Variants in PTPRT observed in about 807,000 individuals in gnomAD.
The protein encoded by PTPRT is protein tyrosine phosphatase receptor type T, also known as receptor-type tyrosine-protein phosphatase T.
Under a neutral mutation model 176.8 loss-of-function variants are expected in PTPRT, and 56 were observed. The observed-to-expected ratio is 0.32, with a 90% CI of 0.26 to 0.40. PTPRT has a LOEUF of 0.40. Ranked by LOEUF, PTPRT falls within the 10% of genes least tolerant of loss-of-function variation. The pLI, the probability that PTPRT is intolerant of heterozygous loss-of-function variation, is 1.00. For missense variants in PTPRT, 1,540 were observed against 1,908.2 expected (o/e 0.81, Z 3.60); for synonymous variants, 783 against 739.0 (o/e 1.06, Z -0.96).
chr20:42,770,423 A>C (rs190029797), intron 5 of PTPRT, among the ~76,000 whole-genome samples: 4 of 152,316 alleles, frequency 2.6e-5, no homozygotes, highest in Admixed American at 2.6e-4. Context: ...TATTAATGGA[A>C]GTATGCTAAT....
At chr20:42,139,854 C>T (rs1988542437) in intron 18 of PTPRT, among the ~76,000 whole-genome samples, 1 of 152,276 alleles carries the variant, frequency 6.6e-6, no homozygotes, top group Non-Finnish European at 1.5e-5. Context: ...GCAGGAGCTC[C>T]ACCTCCCAGT....
chr20:43,094,219 C>T (rs191896988), intron 1 of PTPRT, among the ~76,000 whole-genome samples: 50 of 151,152 alleles, frequency 3.3e-4, no homozygotes, highest in Admixed American at 3.0e-3. Flanking sequence ...TCCCGAGTAG[C>T]TGGGGCTACA....
At chr20:42,797,613 C>T (rs2145573675) in intron 2 of PTPRT, among the ~76,000 whole-genome samples, 1 of 149,716 alleles carries the variant, frequency 6.7e-6, no homozygotes, top group Non-Finnish European at 1.5e-5. Flanking sequence ...TGTCCATATC[C>T]TAATATTTGA....
intron 2 of PTPRT, among the ~76,000 whole-genome samples, chr20:42,813,650 T>A (rs1461813678): frequency 6.6e-6 from 1 of 152,172 alleles, no homozygotes; most frequent in Non-Finnish European, 1.5e-5. Context: ...GGGAAGTTTG[T>A]TTTCCCCTTG....
intron 1 of PTPRT, among the ~76,000 whole-genome samples, chr20:43,010,489 C>G (rs532856297): frequency 1.4e-4 from 21 of 152,258 alleles, no homozygotes; most frequent in African/African-American, 4.8e-4. Context: ...TAGTGTTCCC[C>G]AAGAACTTAT....
intron 1 of PTPRT, among the ~76,000 whole-genome samples, chr20:43,161,870 G>C (rs1322563802): frequency 3.3e-5 from 5 of 152,194 alleles, no homozygotes; most frequent in African/African-American, 1.2e-4. Flanking sequence ...GAGGGCCCAG[G>C]AGGGTCCTCA....
chr20:42,090,222 A>C (rs1339373980), intron 27 of PTPRT, among the ~76,000 whole-genome samples: 2 of 148,586 alleles, frequency 1.3e-5, no homozygotes, highest in African/African-American at 4.9e-5. Context: ...CCTCAAACCA[A>C]GATGGATAAA....
intron 1 of PTPRT, among the ~76,000 whole-genome samples, chr20:43,065,105 C>T (rs1987633633): frequency 6.6e-6 from 1 of 152,224 alleles, no homozygotes; most frequent in Non-Finnish European, 1.5e-5. Flanking sequence ...CCATCTCCTT[C>T]CCCTTTGCAT....
intron 6 of PTPRT, among the ~76,000 whole-genome samples, chr20:42,678,467 A>AT (rs1184530983): frequency 1.3e-4 from 19 of 151,736 alleles, no homozygotes; most frequent in Non-Finnish European, 5.9e-5. Flanking sequence ...CGGCTGGTTA[A>AT]TTTTTGTATT....
chr20:42,375,150 G>T (rs546964962), intron 9 of PTPRT, among the ~76,000 whole-genome samples: 1 of 152,294 alleles, frequency 6.6e-6, no homozygotes, highest in African/African-American at 2.4e-5. Flanking sequence ...TGGGGTGTGT[G>T]TGTCGGGGGG....
intron 9 of PTPRT, among the ~76,000 whole-genome samples, chr20:42,435,492 CAG>C (rs1329320808): frequency 6.6e-5 from 10 of 152,088 alleles, no homozygotes; most frequent in Non-Finnish European, 1.5e-5. Flanking sequence ...AAGCCTGAGA[CAG>C]GGGCCCCTAG....
intron 2 of PTPRT, among the ~76,000 whole-genome samples, chr20:42,877,581 T>C (rs2078954397): frequency 6.6e-6 from 1 of 152,152 alleles, no homozygotes; most frequent in African/African-American, 2.4e-5. Flanking sequence ...TGGGGTCGCA[T>C]CATGAGAAAG....
intron 15 of PTPRT, among the ~76,000 whole-genome samples, chr20:42,233,018 C>A (rs2056168209): frequency 6.6e-6 from 1 of 152,072 alleles, no homozygotes; most frequent in Non-Finnish European, 1.5e-5. Flanking sequence ...AAAGCCTTCT[C>A]TTGGGCCTTA....
rs565574633 is a variant in PTPRT, at chr20:42,122,232, G to A, written c.2848-2261C>T. Among the ~76,000 whole-genome samples the A allele has an allele frequency of 3.9e-5, 6 of 152,290 alleles. 1 individual carries two copies. In the South Asian group the frequency reaches 1.2e-3, roughly 32 times the overall value. ...TAGTGTTGTTGACCAGATTAAATGA[G>A]TTGATATATAACAGTTACTATGTGC... On this transcript the variant is annotated intron_variant, in intron 19 of 30. Coordinates refer to ENST00000373187, the MANE Select transcript of PTPRT (RefSeq NM_007050.6).
chr20:42,196,230 G>GATGAACTTGCAA (rs1991212822), intron 16 of PTPRT, among the ~76,000 whole-genome samples: 1 of 152,180 alleles, frequency 6.6e-6, no homozygotes, highest in Admixed American at 6.5e-5. Flanking sequence ...TTTTCAATCA[G>GATGAACTTGCAA]ATGAACTTGC....
At chr20:42,982,029 A>C (rs966923650) in intron 1 of PTPRT, among the ~76,000 whole-genome samples, 1 of 152,194 alleles carries the variant, frequency 6.6e-6, no homozygotes, top group Non-Finnish European at 1.5e-5. Flanking sequence ...TAAGTCCCTA[A>C]ACTCATCTGA....
intron 5 of PTPRT, among the ~76,000 whole-genome samples, chr20:42,758,943 T>C (rs932104263): frequency 3.9e-5 from 6 of 152,226 alleles, no homozygotes; most frequent in African/African-American, 1.4e-4. Context: ...TTGCAGGAGA[T>C]GGCACAACTT....
intron 1 of PTPRT, among the ~76,000 whole-genome samples, chr20:43,184,269 G>T (rs1418281203): frequency 6.6e-6 from 1 of 152,190 alleles, no homozygotes; most frequent in Non-Finnish European, 1.5e-5. Flanking sequence ...CACACTGGGG[G>T]ACTGCTTCAA....
intron 1 of PTPRT, among the ~76,000 whole-genome samples, chr20:43,090,460 G>T (rs528957939): frequency 2.0e-5 from 3 of 152,052 alleles, no homozygotes; most frequent in African/African-American, 7.2e-5. Context: ...AGTAGAGACA[G>T]GGTTTCACCG....
Sources: gnomAD v4.1 joint callset for allele counts (sites outside exome capture counted in the v4.1 genomes callset) on GRCh38, gnomAD v4.1.1 for gene constraint, MANE v1.5 for transcripts, NCBI Gene and HGNC (gene_info 2026-07-23, HGNC 2026-07-21) for gene names.